SVOP: variants seen among roughly 807,000 people sequenced by gnomAD.
SVOP encodes the protein SV2 related protein.
A neutral mutation model predicts 69.1 loss-of-function variants in SVOP; 17 were observed. That is an observed-to-expected ratio of 0.25 (90% CI 0.17 to 0.37). The LOEUF is 0.37. SVOP is among the 10% of genes least tolerant of loss of function. The pLI is 1.00. For synonymous variants in SVOP, 238 were observed against 238.6 expected (o/e 1.00, Z 0.02); for missense variants, 435 against 597.5 (o/e 0.73, Z 2.84).
chr12:108,913,752 A>C (rs2039699133), intron 15 of SVOP, among the ~76,000 whole-genome samples: 1 of 152,110 alleles, frequency 6.6e-6, no homozygotes, highest in Non-Finnish European at 1.5e-5. Flanking sequence ...GGGTTCAAGC[A>C]ATTTTTCTGC....
In SVOP at chr12:108,974,065, G is replaced by A. The variant is rs190342341; in HGVS notation, c.382-1589C>T. On this transcript the variant is annotated intron_variant, in intron 4 of 15. Transcript: ENST00000610966. ...CTTTGGCACACGCAATTTGGAGAGC[G>A]TTTTTAAAAATCAAGTGGCATTAGT... Among the ~76,000 whole-genome samples the A allele has an allele frequency of 2.5e-4, 38 of 152,304 alleles. No individual in the cohort carries two copies. The East Asian group carries it at 5.8e-3, about 23-fold the overall frequency.
intron 5 of SVOP, among the ~76,000 whole-genome samples, chr12:108,969,471 G>A (rs556573272): frequency 1.3e-5 from 2 of 151,086 alleles, no homozygotes; most frequent in Admixed American, 6.6e-5. Flanking sequence ...TAGCTTACAG[G>A]CATGCGCCAC....
chr12:108,982,759 TATC>T (rs2040145554), intron 2 of SVOP, among the ~76,000 whole-genome samples: 6 of 83,156 alleles, frequency 7.2e-5, no homozygotes, highest in African/African-American at 9.5e-5. Context: ...TCATCATCAC[TATC>T]ATCAACATCA....
chr12:109,018,041 T>C (rs1460242240), intron 1 of SVOP, among the ~76,000 whole-genome samples: 1 of 152,134 alleles, frequency 6.6e-6, no homozygotes, highest in Non-Finnish European at 1.5e-5. Flanking sequence ...CATTCTACCT[T>C]ACTCAGCTGT....
chr12:108,990,694 AAAAT>A (rs1249656827), intron 1 of SVOP, among the ~76,000 whole-genome samples: 14 of 148,276 alleles, frequency 9.4e-5, no homozygotes, highest in African/African-American at 3.5e-4. Flanking sequence ...ACAAAACAGA[AAAAT>A]AAATAAATAA....
chr12:108,977,439 C>T lies in SVOP; in HGVS notation c.340G>A (p.Glu114Lys), dbSNP rs1284435894. Residue 114 changes from glutamate (E) to lysine (K), a missense_variant, in exon 4 of 16, where the codon GAG (glutamate) becomes AAG (lysine). Coordinates refer to ENST00000610966, the MANE Select transcript of SVOP (RefSeq NM_018711.5). The part of the protein sequence containing the change: ...LSILAPQLHC[E>K]WRLPSWQVAL... ...ACCTGCCAGCTTGGGAGCCTCCACT[C>T]GCAATGCAGCTGTGGTGCCAGGATG... The T allele has an allele frequency of 5.2e-6, 8 of 1,537,124 alleles. No homozygotes were observed. Among genetic ancestry groups the T allele is most frequent in the Non-Finnish European group, 6.1e-6 (7 of 1,146,896 alleles).
Position 108,924,610 on chromosome 12 carries a change from C to A in SVOP, c.1049-1813G>T, listed in dbSNP as rs191804988. On this transcript the variant is annotated intron_variant, in intron 11 of 15. Transcript: ENST00000610966. ...CTCAGGAGGCTTCTGCCCACCACCC[C>A]CAAACATGGAAATAAAGGAAAATCT... Among the ~76,000 whole-genome samples the A allele has an allele frequency of 9.7e-4, 147 of 152,246 alleles. 1 individual carries two copies. Among genetic ancestry groups the A allele is most frequent in the African/African-American group, 3.3e-3 (139 of 41,544 alleles).
At chr12:109,017,052 C>A (rs2040371337) in intron 1 of SVOP, among the ~76,000 whole-genome samples, 1 of 152,138 alleles carries the variant, frequency 6.6e-6, no homozygotes, top group Non-Finnish European at 1.5e-5. Context: ...CCAGTGCTGT[C>A]CAATAGAACT....
Position 108,908,852 on chromosome 12 carries a change from C to T in SVOP, c.*3683G>A, listed in dbSNP as rs2039663179. 1 of 152,164 alleles carries T rather than the reference C, an allele frequency of 6.6e-6. No homozygotes were observed. The highest frequency in any genetic ancestry group is 2.1e-4 in the South Asian group (1 of 4,822). 9.4% of individuals were successfully genotyped at this position (152,164 alleles called of 1,614,324 possible). A position where few individuals can be genotyped will look rare whatever the true frequency, so the allele number is the denominator to read the frequency against. On this transcript the variant is annotated 3_prime_UTR_variant, in exon 16 of 16. Transcript: ENST00000610966. ...AGGAGGCTGTGGGTATCCCTTGGTG[C>T]TCGTAGGCCCTTCCTTCCAGCCCTA...
chr12:108,974,006 G>C (rs1378672657), intron 4 of SVOP, among the ~76,000 whole-genome samples: 1 of 152,214 alleles, frequency 6.6e-6, no homozygotes, highest in Non-Finnish European at 1.5e-5. Context: ...TTAGGTCATG[G>C]AACATAATTT....
intron 9 of SVOP, among the ~76,000 whole-genome samples, chr12:108,938,617 T>C (rs1566052138): frequency 6.6e-6 from 1 of 152,184 alleles, no homozygotes. Context: ...TTTTTAGAAC[T>C]TGGAAGTGAA....
chr12:108,947,377 T>C (rs2039931402), intron 6 of SVOP, among the ~76,000 whole-genome samples: 1 of 152,128 alleles, frequency 6.6e-6, no homozygotes, highest in Non-Finnish European at 1.5e-5. Flanking sequence ...CTTCTCTCCC[T>C]CTCTCTTCAC....
chr12:108,930,903 A>G (rs2039813301), intron 11 of SVOP, among the ~76,000 whole-genome samples: 1 of 152,212 alleles, frequency 6.6e-6, no homozygotes, highest in South Asian at 2.1e-4. Flanking sequence ...TAATTTAACA[A>G]TATGCCGTCC....
chr12:108,916,649 C>G (rs964516181), intron 14 of SVOP, among the ~76,000 whole-genome samples: 1 of 152,214 alleles, frequency 6.6e-6, no homozygotes, highest in Non-Finnish European at 1.5e-5. Context: ...GAAAGGCACA[C>G]GATGCGAGGA....
At chr12:108,960,277 G>A (rs1175609538) in intron 6 of SVOP, among the ~76,000 whole-genome samples, 2 of 152,172 alleles carry the variant, frequency 1.3e-5, no homozygotes, top group Non-Finnish European at 2.9e-5. Flanking sequence ...CAGTCAGCAG[G>A]TCGAATTCTG....
chr12:108,949,458 T>C (rs922344074), intron 6 of SVOP, among the ~76,000 whole-genome samples: 1 of 151,992 alleles, frequency 6.6e-6, no homozygotes, highest in African/African-American at 2.4e-5. Context: ...TTAATAGAGA[T>C]GGGGTTTCGC....
intron 1 of SVOP, among the ~76,000 whole-genome samples, chr12:108,989,599 C>T (rs915176562): frequency 2.0e-5 from 3 of 152,088 alleles, no homozygotes; most frequent in Admixed American, 6.6e-5. Flanking sequence ...CTTGGCCACA[C>T]CACCCCCAGC....
chr12:108,964,382 A>G (rs948120529), intron 5 of SVOP, among the ~76,000 whole-genome samples: 10 of 151,680 alleles, frequency 6.6e-5, no homozygotes, highest in African/African-American at 2.2e-4. Context: ...GGCTTAAGCT[A>G]ACTTAATAGG....
intron 1 of SVOP, among the ~76,000 whole-genome samples, chr12:109,014,862 C>T (rs1305265789): frequency 6.6e-6 from 1 of 152,150 alleles, no homozygotes; most frequent in Non-Finnish European, 1.5e-5. Flanking sequence ...GCTGGGACTA[C>T]AGGCACACAC....
Sources: gnomAD v4.1 joint callset for allele counts (sites outside exome capture counted in the v4.1 genomes callset) on GRCh38, gnomAD v4.1.1 for gene constraint, MANE v1.5 for transcripts, NCBI Gene and HGNC (gene_info 2026-07-23, HGNC 2026-07-21) for gene names.